The following PCSK5 variants were observed in gnomAD, a reference collection of about 807,000 sequenced individuals.
The protein encoded by PCSK5 is prohormone convertase 5.
PCSK5 carries 129 observed loss-of-function variants against 233.2 expected under a neutral mutation model. That is an observed-to-expected ratio of 0.55 (90% confidence interval 0.48 to 0.64). PCSK5 has a LOEUF of 0.64. PCSK5 is among the 30% of genes least tolerant of loss of function. PCSK5 has a pLI of 0.00. For synonymous variants in PCSK5, 825 were observed against 879.2 expected (o/e 0.94, Z 1.09); for missense variants, 2,076 against 2,430.1 (o/e 0.85, Z 3.06).
At chr9:76,084,121 T>C (rs1830966551) in intron 7 of PCSK5, among the ~76,000 whole-genome samples, 1 of 152,250 alleles carries the variant, frequency 6.6e-6, no homozygotes, top group South Asian at 2.1e-4. Flanking sequence ...GGTGGAATTC[T>C]GTGTATTTAG....
At chr9:76,069,401 A>G (rs1830402411) in intron 6 of PCSK5, among the ~76,000 whole-genome samples, 1 of 151,860 alleles carries the variant, frequency 6.6e-6, no homozygotes, top group African/African-American at 2.4e-5. Flanking sequence ...AAAAAATGAG[A>G]GGATGAACTT....
intron 9 of PCSK5, among the ~76,000 whole-genome samples, chr9:76,128,037 A>G (rs1822581894): frequency 6.6e-6 from 1 of 152,208 alleles, no homozygotes; most frequent in South Asian, 2.1e-4. Flanking sequence ...ATTTTGAATG[A>G]GAAATAGAAA....
At chr9:76,036,591 C>G (rs1473713189) in intron 5 of PCSK5, among the ~76,000 whole-genome samples, 1 of 152,186 alleles carries the variant, frequency 6.6e-6, no homozygotes, top group Non-Finnish European at 1.5e-5. Context: ...CTACAAATGT[C>G]TGGGGTTGCT....
At chr9:76,215,373 T>C (rs1360613193) in intron 20 of PCSK5, among the ~76,000 whole-genome samples, 1 of 152,158 alleles carries the variant, frequency 6.6e-6, no homozygotes, top group African/African-American at 2.4e-5. Flanking sequence ...AGAATCGAGT[T>C]TCCAGGGAAA....
At chr9:76,086,465 T>C (rs1831068848) in intron 7 of PCSK5, among the ~76,000 whole-genome samples, 1 of 152,176 alleles carries the variant, frequency 6.6e-6, no homozygotes. Context: ...ACCTGAGTCC[T>C]GCTGAGGCCT....
chr9:76,172,892 C>G (rs1486091448), intron 13 of PCSK5, among the ~76,000 whole-genome samples: 1 of 152,150 alleles, frequency 6.6e-6, no homozygotes, highest in Non-Finnish European at 1.5e-5. Context: ...GAGGGCAAAC[C>G]ATACATAAAC....
At chr9:76,256,693 C>T (rs975512328) in intron 24 of PCSK5, among the ~76,000 whole-genome samples, 1 of 152,180 alleles carries the variant, frequency 6.6e-6, no homozygotes, top group African/African-American at 2.4e-5. Context: ...CGTGCCTGTT[C>T]ATCACGCTTA....
chr9:75,972,950 AGAAGG>A (rs1825867961), intron 2 of PCSK5, among the ~76,000 whole-genome samples: 1 of 152,186 alleles, frequency 6.6e-6, no homozygotes, highest in Non-Finnish European at 1.5e-5. Flanking sequence ...AAGATATTTC[AGAAGG>A]GAGTTCCTGT....
Position 76,071,731 on chromosome 9 carries a change from C to A in PCSK5, c.727C>A (p.Arg243=). The change falls in exon 7 of 38, where the codon CGA becomes AGA. Residue 243 remains arginine, a synonymous_variant. Coordinates refer to ENST00000674117, the MANE Select transcript of PCSK5 (RefSeq NM_001372043.1). ...TTCTCCTTTCTGTGTTGAAGGAGTGCGAATGCTGGACGGAGATGTCACGGA... is the reference window on the plus strand; with the variant it reads ...TTCTCCTTTCTGTGTTGAAGGAGTGAGAATGCTGGACGGAGATGTCACGGA... ...IAFNAKIGGV[R]MLDGDVTDMV... 1.9e-6 allele frequency: 3 copies of A among 1,610,172 alleles called. No homozygotes were observed. Among genetic ancestry groups the A allele is most frequent in the Non-Finnish European group, 2.5e-6 (3 of 1,178,138 alleles).
chr9:76,124,639 G>A (rs1360572284), intron 9 of PCSK5, among the ~76,000 whole-genome samples: 2 of 151,464 alleles, frequency 1.3e-5, no homozygotes, highest in African/African-American at 2.4e-5. Context: ...CCAGCTACTC[G>A]GGAGGCTGAG....
intron 5 of PCSK5, among the ~76,000 whole-genome samples, chr9:76,061,696 T>A (rs1587569863): frequency 6.6e-6 from 1 of 152,152 alleles, no homozygotes; most frequent in African/African-American, 2.4e-5. Flanking sequence ...TTTACAGTAA[T>A]CTATTTTATA....
chr9:76,077,875 C>T (rs953826226), intron 7 of PCSK5, among the ~76,000 whole-genome samples: 13 of 152,134 alleles, frequency 8.5e-5, no homozygotes, highest in African/African-American at 2.9e-4. Flanking sequence ...CATATGAGTG[C>T]TTGTGTCTTT....
intron 24 of PCSK5, among the ~76,000 whole-genome samples, chr9:76,284,535 C>CTT (rs759060126): frequency 9.6e-6 from 1 of 104,356 alleles, no homozygotes. Flanking sequence ...TTTTTTTTGT[C>CTT]TTTTTTTTTT....
chr9:76,233,720 C>T, intron 22 of PCSK5, 124 bp downstream of exon 22: 1 of 839,962 alleles, frequency 1.2e-6, no homozygotes, highest in Non-Finnish European at 1.9e-6. Context: ...CAGCTGTTCA[C>T]TGGAGAGCGT....
chr9:75,900,490 G>A (rs1005440542), intron 1 of PCSK5, among the ~76,000 whole-genome samples: 2 of 151,746 alleles, frequency 1.3e-5, no homozygotes, highest in African/African-American at 4.8e-5. Flanking sequence ...ACCAGCCTGG[G>A]TAACATGGTG....
intron 32 of PCSK5, 87 bp from the exon 33 acceptor site, chr9:76,327,922 G>A: frequency 2.4e-6 from 2 of 821,168 alleles, no homozygotes; most frequent in Non-Finnish European, 2.1e-6. Flanking sequence ...TGAAAGGAAT[G>A]TGAAGACCCT....
intron 20 of PCSK5, among the ~76,000 whole-genome samples, chr9:76,209,956 G>T (rs1194565198): frequency 6.6e-6 from 1 of 152,140 alleles, no homozygotes; most frequent in African/African-American, 2.4e-5. Flanking sequence ...GTAGAAGTTT[G>T]CTGGAAGAAG....
At chr9:75,928,596 CATAT>C (rs61537466) in intron 1 of PCSK5, among the ~76,000 whole-genome samples, 3,205 of 68,030 alleles carry the variant, frequency 0.047, 57 homozygotes, top group South Asian at 0.098. Flanking sequence ...CATATAAATA[CATAT>C]ATATATATAT....
In PCSK5 at chr9:76,027,151, G is replaced by A; in HGVS notation, c.632+114G>A. 3 of 629,556 alleles carry A rather than the reference G, an allele frequency of 4.8e-6. No homozygotes were observed. In the East Asian group the frequency reaches 8.8e-5, roughly 19 times the overall value. 39.0% of individuals were successfully genotyped at this position (629,556 alleles called of 1,614,324 possible). A position where few individuals can be genotyped will look rare whatever the true frequency, so the allele number is the denominator to read the frequency against. On this transcript the variant is annotated intron_variant, in intron 5 of 37. Transcript: ENST00000674117. ...CTTGATAACATATGATTGCTAATTTGCTCCAAGATTAACAAGTGTCTTTCC... is the reference window on the plus strand; with the variant it reads ...CTTGATAACATATGATTGCTAATTTACTCCAAGATTAACAAGTGTCTTTCC...
Sources: allele counts gnomAD v4.1 joint callset (sites outside exome capture counted in the v4.1 genomes callset), GRCh38; gene constraint gnomAD v4.1.1; transcripts MANE v1.5; gene names NCBI Gene and HGNC (gene_info 2026-07-23, HGNC 2026-07-21).